Variants in ARHGAP6 observed in about 807,000 individuals in gnomAD.
ARHGAP6 encodes rho GTPase-activating protein 6.
In ARHGAP6, 16 loss-of-function variants were observed where a neutral mutation model predicts 55.7. The ratio of observed to expected loss-of-function variants is 0.29; its 90% CI spans 0.19 to 0.44. ARHGAP6 has a LOEUF of 0.44. ARHGAP6 is among the 20% of genes least tolerant of loss of function. The pLI is 1.00. For synonymous variants in ARHGAP6, 382 were observed against 360.9 expected, an observed-to-expected ratio of 1.06 and a Z score of -0.66; for missense variants, 698 against 808.9, an observed-to-expected ratio of 0.86 and a Z score of 1.66.
intron 1 of ARHGAP6, among the ~76,000 whole-genome samples, chrX:11,626,962 T>C (rs1182981649): frequency 9.0e-6 from 1 of 111,722 alleles, no homozygotes; most frequent in Non-Finnish European, 1.9e-5. Flanking sequence ...TAGAACAAGT[T>C]AGATAATTCA....
rs1167663088 is a variant in ARHGAP6 at position 11,664,572 on chromosome X, G to T, written c.257C>A (p.Pro86Gln). Residue 86 changes from proline to glutamine, a missense_variant, in exon 1 of 13, where the codon CCG becomes CAG. Pro to Gln is a moderately conservative substitution (Grantham distance 76). Around this residue, in one of 3 missense-constraint regions of ARHGAP6, gnomAD observed 164 missense variants for 149.2 expected, o/e 1.10. Coordinates refer to ENST00000337414, the MANE Select transcript of ARHGAP6 (RefSeq NM_013427.3). ...GPRLASSSRG[P>Q]PPRATRLPPP... ...CGGTAGCCTGGTGGCCCTGGGGGGC[G>T]GACCCCGGGAAGAGGACGCCAAGCG... The T allele has an allele frequency of 8.4e-7, 1 of 1,185,956 alleles. No individual in the cohort carries two copies.
intron 1 of ARHGAP6, among the ~76,000 whole-genome samples, chrX:11,365,678 G>C (rs1449432544): frequency 1.8e-5 from 2 of 111,966 alleles, no homozygotes; most frequent in African/African-American, 6.5e-5. Flanking sequence ...TTTATCTTTT[G>C]GCTTATTGTT....
In ARHGAP6 at chrX:11,548,258, G is replaced by A. The variant is rs1213183565; in HGVS notation, c.588+115983C>T. Among the ~76,000 whole-genome samples the A allele has an allele frequency of 4.5e-5, 5 of 111,898 alleles. No homozygotes were observed. The East Asian group carries it at 1.4e-3, about 31-fold the overall frequency. On this transcript the variant is annotated intron_variant, in intron 1 of 12. Coordinates refer to ENST00000337414, the MANE Select transcript of ARHGAP6 (RefSeq NM_013427.3). ...GCCTCAAACATTTATCGTTTGTGTT[G>A]TGAACATTCAAAATCCTCTCTCCTA...
At chrX:11,613,930 A>G (rs2052132866) in intron 1 of ARHGAP6, among the ~76,000 whole-genome samples, 2 of 112,240 alleles carry the variant, frequency 1.8e-5, no homozygotes, top group Non-Finnish European at 3.8e-5. Flanking sequence ...CCTTTTCCCA[A>G]TAACTCCAGA....
chrX:11,607,920 A>G (rs1378923548), intron 1 of ARHGAP6, among the ~76,000 whole-genome samples: 1 of 112,412 alleles, frequency 8.9e-6, no homozygotes, highest in African/African-American at 3.2e-5. Context: ...AATAATCATA[A>G]TTGGTTTTTC....
chrX:11,354,295 TTCTCTCTCTC>T (rs1206233633), intron 1 of ARHGAP6, among the ~76,000 whole-genome samples: 19 of 41,047 alleles, frequency 4.6e-4, no homozygotes, highest in South Asian at 5.4e-3. Context: ...CTCTCTCTCT[TTCTCTCTCTC>T]TCTCTCTCTC....
At chrX:11,220,846 TAA>T (rs1159847142) in intron 2 of ARHGAP6, among the ~76,000 whole-genome samples, 1 of 108,910 alleles carries the variant, frequency 9.2e-6, no homozygotes, top group East Asian at 2.9e-4. Flanking sequence ...GCAAATTGGA[TAA>T]AGAGTCAAGA....
At chrX:11,429,114 G>A (rs1438504310) in intron 1 of ARHGAP6, among the ~76,000 whole-genome samples, 2 of 112,391 alleles carry the variant, frequency 1.8e-5, no homozygotes, top group East Asian at 2.8e-4. Flanking sequence ...TGCACATGAT[G>A]GAATACTATT....
intron 1 of ARHGAP6, among the ~76,000 whole-genome samples, chrX:11,421,162 A>G (rs187054758): frequency 5.4e-5 from 6 of 111,965 alleles, no homozygotes; most frequent in African/African-American, 1.6e-4. Flanking sequence ...GCTCACTCAC[A>G]TTTTCTCACC....
intron 2 of ARHGAP6, among the ~76,000 whole-genome samples, chrX:11,208,878 G>T (rs757911357): frequency 8.9e-6 from 1 of 111,814 alleles, no homozygotes; most frequent in Non-Finnish European, 1.9e-5. Flanking sequence ...AACATCATTT[G>T]GTTCCATTTC....
At chrX:11,181,229 C>A (rs1338589311) in intron 6 of ARHGAP6, among the ~76,000 whole-genome samples, 1 of 111,507 alleles carries the variant, frequency 9.0e-6, no homozygotes, top group Non-Finnish European at 1.9e-5. Flanking sequence ...TGTTGAAAGC[C>A]TTTTTTGTCT....
chrX:11,272,488 C>A (rs1003255888), intron 1 of ARHGAP6, among the ~76,000 whole-genome samples: 2 of 110,085 alleles, frequency 1.8e-5, no homozygotes, highest in Admixed American at 1.9e-4. Context: ...CCTCCTGCCT[C>A]CACTCCTCAT....
chrX:11,631,810 A>G (rs151064404), intron 1 of ARHGAP6, among the ~76,000 whole-genome samples: 1,799 of 112,436 alleles, frequency 0.016, 20 homozygotes, highest in Non-Finnish European at 0.025. Context: ...CTATGTCCCA[A>G]TAAAGCTTTA....
chrX:11,487,617 T>G (rs933769818), intron 1 of ARHGAP6, among the ~76,000 whole-genome samples: 1 of 112,229 alleles, frequency 8.9e-6, no homozygotes, highest in African/African-American at 3.2e-5. Flanking sequence ...ACTAAAACAA[T>G]TATTAATTGT....
intron 10 of ARHGAP6, among the ~76,000 whole-genome samples, chrX:11,152,415 C>G (rs1236093821): frequency 8.9e-6 from 1 of 111,834 alleles, no homozygotes; most frequent in Non-Finnish European, 1.9e-5. Flanking sequence ...TTACAGTAAT[C>G]TATTGTCACT....
chrX:11,637,086 T>G (rs1470050552), intron 1 of ARHGAP6, among the ~76,000 whole-genome samples: 2 of 111,735 alleles, frequency 1.8e-5, no homozygotes, highest in South Asian at 7.4e-4. Flanking sequence ...AGTACTTTAT[T>G]TATAAACTTA....
intron 1 of ARHGAP6, among the ~76,000 whole-genome samples, chrX:11,662,713 T>C (rs745330937): frequency 5.3e-5 from 6 of 112,666 alleles, no homozygotes; most frequent in Non-Finnish European, 9.4e-5. Context: ...AGTATGTATA[T>C]GGTTGCTAAG....
rs1167663088 is a variant in ARHGAP6 at position 11,664,572 on chromosome X, G to A, written c.257C>T (p.Pro86Leu). The A allele has an allele frequency of 3.4e-6, 4 of 1,184,816 alleles. No homozygotes were observed. Among genetic ancestry groups the A allele is most frequent in the African/African-American group, 1.8e-5 (1 of 57,032 alleles). ...CGGTAGCCTGGTGGCCCTGGGGGGC[G>A]GACCCCGGGAAGAGGACGCCAAGCG... ...GPRLASSSRG[P>L]PPRATRLPPP... The change falls in exon 1 of 13, where the codon CCG becomes CTG. Residue 86 changes from proline to leucine, a missense_variant. Around this residue, in one of 3 missense-constraint regions of ARHGAP6, gnomAD observed 164 missense variants for 149.2 expected, o/e 1.10. Transcript: ENST00000337414.
At chrX:11,447,515 T>C (rs953331736) in intron 1 of ARHGAP6, among the ~76,000 whole-genome samples, 7 of 112,222 alleles carry the variant, frequency 6.2e-5, no homozygotes, top group African/African-American at 1.9e-4. Flanking sequence ...CATTCATGTA[T>C]TGTATGTTTG....
Sources: allele counts gnomAD v4.1 joint callset (sites outside exome capture counted in the v4.1 genomes callset), GRCh38; gene constraint gnomAD v4.1.1; regional missense constraint gnomAD v4.1.1; transcripts MANE v1.5; gene names NCBI Gene and HGNC (gene_info 2026-07-23, HGNC 2026-07-21).